The following KCNMA1 variants were observed in gnomAD, a reference collection of about 807,000 sequenced individuals.
KCNMA1 encodes Calcium-activated potassium channel subunit alpha-1.
KCNMA1 carries 29 observed loss-of-function variants against 140.0 expected under a neutral mutation model. The ratio of observed to expected loss-of-function variants is 0.21; its 90% CI spans 0.15 to 0.28. The LOEUF (loss-of-function observed/expected upper bound fraction) is 0.28. Ranked by LOEUF, KCNMA1 falls within the 10% of genes least tolerant of loss-of-function variation. KCNMA1 has a pLI of 1.00. For missense variants in KCNMA1, 880 were observed against 1,602.2 expected, an observed-to-expected ratio of 0.55 and a Z score of 7.70; for synonymous variants, 612 against 611.9, an observed-to-expected ratio of 1.00 and a Z score of 0.00.
intron 27 of KCNMA1, among the ~76,000 whole-genome samples, chr10:76,888,692 AAT>A (rs1464942492): frequency 1.3e-5 from 2 of 152,234 alleles, no homozygotes; most frequent in Non-Finnish European, 2.9e-5. Context: ...CTCAAAAATA[AAT>A]ATATAAAAGT....
chr10:77,143,806 G>A lies in KCNMA1; in HGVS notation c.809-22758C>T, dbSNP rs147309060. 7.3e-3 allele frequency among the ~76,000 whole-genome samples: 1,116 copies of A among 152,242 alleles called. 19 individuals are homozygous for A. The highest frequency in any genetic ancestry group is 5.7e-3 in the Non-Finnish European group (391 of 68,002). On this transcript the variant is annotated intron_variant, in intron 5 of 27. Transcript: ENST00000286628. ...AATTAAAAGATAAGCCACAGATTAA[G>A]AGGAAACACTTGCAGTACATTTATA...
At chr10:76,958,283 G>T (rs1164211880) in intron 20 of KCNMA1, among the ~76,000 whole-genome samples, 2 of 152,136 alleles carry the variant, frequency 1.3e-5, no homozygotes, top group Non-Finnish European at 2.9e-5. Context: ...CAAGGACCAG[G>T]ATTAGATATT....
At chr10:77,184,145 C>T (rs2098826877) in intron 4 of KCNMA1, among the ~76,000 whole-genome samples, 1 of 152,132 alleles carries the variant, frequency 6.6e-6, no homozygotes, top group South Asian at 2.1e-4. Context: ...CACAACTGCT[C>T]TCTCAGGGCT....
At chr10:77,389,598 G>A (rs2095740650) in intron 2 of KCNMA1, among the ~76,000 whole-genome samples, 1 of 152,162 alleles carries the variant, frequency 6.6e-6, no homozygotes. Flanking sequence ...ATACCAACTA[G>A]GAACAACATC....
At chr10:77,025,461 C>T in intron 16 of KCNMA1, 2 of 1,599,780 alleles carry the variant, frequency 1.3e-6, no homozygotes, top group Non-Finnish European at 1.7e-6. Context: ...TCGGCTTCTG[C>T]AAAACGACAA....
chr10:76,969,884 A>C, intron 20 of KCNMA1, 90 bp downstream of exon 20: 1 of 1,000,548 alleles, frequency 1.0e-6, no homozygotes. Context: ...TGGGGAGGGG[A>C]GACTCTGGGC....
intron 2 of KCNMA1, among the ~76,000 whole-genome samples, chr10:77,264,777 C>A (rs2062963964): frequency 6.6e-6 from 1 of 152,118 alleles, no homozygotes; most frequent in South Asian, 2.1e-4. Context: ...CAGCACAGCC[C>A]CAGCCTGATC....
chr10:77,568,067 G>T (rs989340002), intron 1 of KCNMA1, among the ~76,000 whole-genome samples: 1 of 152,198 alleles, frequency 6.6e-6, no homozygotes, highest in African/African-American at 2.4e-5. Context: ...ACCAATAACA[G>T]GAGCTGAAAT....
Position 77,038,236 on chromosome 10 carries a change from G to A in KCNMA1, c.1859+1292C>T, listed in dbSNP as rs146295960. ...CTCCTGCATACAGAAAGAAAACCGTGATACAGAGGAGGCCAAGGGCACCCA... is the reference window on the plus strand; with the variant it reads ...CTCCTGCATACAGAAAGAAAACCGTAATACAGAGGAGGCCAAGGGCACCCA... On this transcript the variant is annotated intron_variant, in intron 15 of 27. Coordinates refer to ENST00000286628, the MANE Select transcript of KCNMA1 (RefSeq NM_001161352.2). 4.6e-5 allele frequency among the ~76,000 whole-genome samples: 7 copies of A among 152,228 alleles called. No homozygotes were observed. The East Asian group carries it at 1.4e-3, about 29-fold the overall frequency.
At position 77,403,720 on chromosome 10, in the gene KCNMA1, C is replaced by T. The variant is rs556363461; in HGVS notation, c.540+142G>A. 5.3e-4 allele frequency: 390 copies of T among 736,816 alleles called. 5 individuals carry two copies. In the South Asian group the frequency reaches 5.9e-3, roughly 11 times the overall value. The allele number at this position is 736,816 out of a possible 1,614,324, so 45.6% of individuals were successfully genotyped here. On this transcript the variant is annotated intron_variant, in intron 2 of 27. Transcript: ENST00000286628. The stretch of plus-strand genomic sequence containing the variant: ...GAACCGAGCCTCTCCTCCATGACCA[C>T]GCGGGAGCACTTGCTGCTCACCCCC...
chr10:77,083,523 AGGG>A (rs2096627462), intron 12 of KCNMA1, among the ~76,000 whole-genome samples: 10 of 142,514 alleles, frequency 7.0e-5, no homozygotes, highest in South Asian at 4.7e-4. Flanking sequence ...AAAAAAAAAA[AGGG>A]AGGGCAGGGC....
chr10:77,250,689 GC>G (rs2059499485), intron 3 of KCNMA1: 1 of 178,968 alleles, frequency 5.6e-6, no homozygotes, highest in Admixed American at 5.4e-5. Context: ...AGAAGCACCA[GC>G]GTGCAATGCT....
intron 1 of KCNMA1, among the ~76,000 whole-genome samples, chr10:77,420,772 G>A (rs1174254532): frequency 6.6e-6 from 1 of 152,224 alleles, no homozygotes; most frequent in African/African-American, 2.4e-5. Flanking sequence ...GGGCCTGGCA[G>A]GAGGGAGGCC....
chr10:76,880,061 A>G (rs1199271970), downstream of KCNMA1, among the ~76,000 whole-genome samples: 1 of 152,210 alleles, frequency 6.6e-6, no homozygotes, highest in Non-Finnish European at 1.5e-5. Flanking sequence ...GCCAGGTTGG[A>G]AGAGTGAACT....
chr10:77,419,264 C>T (rs1487929137), intron 1 of KCNMA1, among the ~76,000 whole-genome samples: 1 of 152,188 alleles, frequency 6.6e-6, no homozygotes, highest in African/African-American at 2.4e-5. Flanking sequence ...AGCAGAGGGA[C>T]CTGCCAGAGC....
At chr10:77,353,665 A>ATGTTGTTG (rs1443424527) in intron 2 of KCNMA1, among the ~76,000 whole-genome samples, 1 of 152,162 alleles carries the variant, frequency 6.6e-6, no homozygotes, top group African/African-American at 2.4e-5. Flanking sequence ...ACAACAACCT[A>ATGTTGTTG]TAATGTGGAC....
intron 23 of KCNMA1, among the ~76,000 whole-genome samples, chr10:76,936,913 A>G (rs2060713046): frequency 6.6e-6 from 1 of 152,230 alleles, no homozygotes; most frequent in Non-Finnish European, 1.5e-5. Flanking sequence ...CCACTAAAAG[A>G]CTCATGACCC....
chr10:76,988,640 C>A (rs2081935459), intron 19 of KCNMA1, among the ~76,000 whole-genome samples: 1 of 152,076 alleles, frequency 6.6e-6, no homozygotes, highest in South Asian at 2.1e-4. Flanking sequence ...CATCTGTTCT[C>A]CTCTTTTTGT....
intron 2 of KCNMA1, among the ~76,000 whole-genome samples, chr10:77,367,482 A>G (rs940301878): frequency 3.0e-4 from 46 of 152,204 alleles, no homozygotes; most frequent in African/African-American, 9.9e-4. Context: ...TCAGGAGCTT[A>G]TAAGAAATGC....
Sources: gnomAD v4.1 joint callset for allele counts (sites outside exome capture counted in the v4.1 genomes callset) on GRCh38, gnomAD v4.1.1 for gene constraint, MANE v1.5 for transcripts, NCBI Gene and HGNC (gene_info 2026-07-23, HGNC 2026-07-21) for gene names.